Variants in CLMN observed in about 807,000 individuals in gnomAD.
The protein encoded by CLMN is calmin, also known as calmin (calponin-like, transmembrane).
CLMN carries 57 observed loss-of-function variants against 92.7 expected under a neutral mutation model. That is an observed-to-expected ratio of 0.61 (90% confidence interval 0.50 to 0.77). CLMN has a LOEUF of 0.77. Among genes scored for constraint, CLMN ranks in the 30% least tolerant of loss-of-function variants. The pLI is 0.00. For synonymous variants in CLMN, 466 were observed against 470.6 expected, an observed-to-expected ratio of 0.99 and a Z score of 0.13; for missense variants, 1,158 against 1,237.5, an observed-to-expected ratio of 0.94 and a Z score of 0.96.
At chr14:95,221,887 G>C (rs1897554263) in intron 3 of CLMN, 113 bp from the exon 4 acceptor site, 1 of 1,036,734 alleles carries the variant, frequency 9.6e-7, no homozygotes, top group Non-Finnish European at 1.4e-6. Flanking sequence ...TCAAGAAAAA[G>C]TTAGGGGCTC....
intron 1 of CLMN, among the ~76,000 whole-genome samples, chr14:95,315,909 C>A (rs1901748528): frequency 6.6e-6 from 1 of 152,216 alleles, no homozygotes; most frequent in African/African-American, 2.4e-5. Flanking sequence ...CACACATGTG[C>A]TAAACTGCTC....
intron 2 of CLMN, among the ~76,000 whole-genome samples, chr14:95,226,043 G>C (rs529492669): frequency 8.5e-4 from 129 of 152,298 alleles, no homozygotes; most frequent in Non-Finnish European, 1.6e-3. Flanking sequence ...TAGGGGAGAG[G>C]GGGATGGTGG....
chr14:95,258,995 GTGTT>G (rs1899141037), intron 1 of CLMN, among the ~76,000 whole-genome samples: 2 of 150,586 alleles, frequency 1.3e-5, no homozygotes, highest in Non-Finnish European at 1.5e-5. Flanking sequence ...CGTGGAGAGT[GTGTT>G]TGTATGTATG....
In CLMN at chr14:95,294,791, G is replaced by A. The variant is rs569563491; in HGVS notation, c.82+24920C>T. Among the ~76,000 whole-genome samples, 9 of 152,278 alleles carry A rather than the reference G, an allele frequency of 5.9e-5. No individual in the cohort carries two copies. The highest frequency in any genetic ancestry group is 1.0e-4 in the Non-Finnish European group (7 of 68,026). On this transcript the variant is annotated intron_variant, in intron 1 of 12. Coordinates refer to ENST00000298912, the MANE Select transcript of CLMN (RefSeq NM_024734.4). The surrounding 1 kb of genome is among the most constrained non-coding windows in gnomAD (Gnocchi z 4.2). Reference sequence around the variant, plus strand: ...TCACTGGGTTTGGCCAATGGGAGGCGCTGGCAGGACAACGTGGGGTGGAGG... The same window carrying A: ...TCACTGGGTTTGGCCAATGGGAGGCACTGGCAGGACAACGTGGGGTGGAGG...
chr14:95,286,738 G>A (rs1257588964), intron 1 of CLMN, among the ~76,000 whole-genome samples: 2 of 152,196 alleles, frequency 1.3e-5, no homozygotes, highest in African/African-American at 4.8e-5. Flanking sequence ...AGAGTCTGCA[G>A]GGAGGGGACT....
rs139779842 is a variant in CLMN at position 95,263,277 on chromosome 14, A to G, written c.83-33144T>C. Among the ~76,000 whole-genome samples the G allele has an allele frequency of 9.2e-3, 1,406 of 152,280 alleles. 25 individuals carry two copies. Among genetic ancestry groups the G allele is most frequent in the African/African-American group, 0.032 (1,327 of 41,568 alleles). On this transcript the variant is annotated intron_variant, in intron 1 of 12. Transcript: ENST00000298912. ...AAACAAAGGGGAAAAGACCCCTTAT[A>G]AAACCATCAGATCTCATGATAACTC...
Position 95,214,630 on chromosome 14 carries a change from G to A in CLMN, c.417+1011C>T, listed in dbSNP as rs541989742. ...GCCTCCCAAAGTTCTGGGATTATAT[G>A]CGTGAGCCACTGTGCCCAGCCCACA... On this transcript the variant is annotated intron_variant, in intron 5 of 12. Transcript: ENST00000298912. Among the ~76,000 whole-genome samples the A allele has an allele frequency of 8.9e-4, 136 of 152,180 alleles. 1 individual carries two copies. Among genetic ancestry groups the A allele is most frequent in the Admixed American group, 3.0e-3 (46 of 15,280 alleles).
intron 1 of CLMN, among the ~76,000 whole-genome samples, chr14:95,237,771 C>T (rs544516981): frequency 1.4e-4 from 21 of 152,302 alleles, no homozygotes; most frequent in Non-Finnish European, 3.1e-4. Flanking sequence ...CTTGCCCAAC[C>T]TTTTATATAA....
At chr14:95,236,617 C>A (rs1335968260) in intron 1 of CLMN, among the ~76,000 whole-genome samples, 6 of 152,190 alleles carry the variant, frequency 3.9e-5, no homozygotes, top group Admixed American at 3.9e-4. Context: ...GGCAACACTG[C>A]CAGGGGCAGA....
intron 4 of CLMN, among the ~76,000 whole-genome samples, chr14:95,219,121 T>C (rs1047842339): frequency 1.3e-5 from 2 of 152,192 alleles, no homozygotes; most frequent in Non-Finnish European, 2.9e-5. Flanking sequence ...CTGTCTCCAA[T>C]GCTGAGAAGT....
intron 1 of CLMN, among the ~76,000 whole-genome samples, chr14:95,255,339 G>C (rs2140686790): frequency 6.6e-6 from 1 of 152,292 alleles, no homozygotes; most frequent in South Asian, 2.1e-4. Context: ...TCTGAAAATA[G>C]GTGAGTATGG....
chr14:95,292,428 T>TCCC (rs1263766978), intron 1 of CLMN, among the ~76,000 whole-genome samples: 2 of 74,058 alleles, frequency 2.7e-5, no homozygotes, highest in Non-Finnish European at 5.4e-5. Context: ...CCCCCAAGGG[T>TCCC]CCCCCACCCC....
chr14:95,259,153 T>C lies in CLMN; in HGVS notation c.83-29020A>G, dbSNP rs1464895530. 6.6e-6 allele frequency among the ~76,000 whole-genome samples: 1 copy of C among 151,828 alleles called. No homozygotes were observed. Among genetic ancestry groups the C allele is most frequent in the Non-Finnish European group, 1.5e-5 (1 of 67,934 alleles). ...TGAAGTGGGGTGTGCACTCAGGGAG[T>C]TGGTGCTGCATGGCAGGCTGGAGCG... On this transcript the variant is annotated intron_variant, in intron 1 of 12. Transcript: ENST00000298912. This position sits in a 1 kb window ranked among gnomAD's most constrained non-coding sequence, Gnocchi z 4.3.
chr14:95,258,299 G>T (rs551263523), intron 1 of CLMN, among the ~76,000 whole-genome samples: 1 of 150,036 alleles, frequency 6.7e-6, no homozygotes, highest in African/African-American at 2.5e-5. Context: ...TGTGTGTGTG[G>T]TGTATGTGTG....
Position 95,259,630 on chromosome 14 carries a change from A to T in CLMN, c.83-29497T>A, listed in dbSNP as rs1301786297. ...TGGTTGGGGGCTAGGAGAGGAGATC[A>T]CTTGCACAGGGCCCACCCCCACCCC... On this transcript the variant is annotated intron_variant, in intron 1 of 12. Coordinates refer to ENST00000298912, the MANE Select transcript of CLMN (RefSeq NM_024734.4). This position sits in a 1 kb window ranked among gnomAD's most constrained non-coding sequence, Gnocchi z 4.3. 1.3e-5 allele frequency among the ~76,000 whole-genome samples: 2 copies of T among 152,056 alleles called. No individual in the cohort carries two copies. Among genetic ancestry groups the T allele is most frequent in the Non-Finnish European group, 2.9e-5 (2 of 68,000 alleles).
intron 1 of CLMN, among the ~76,000 whole-genome samples, chr14:95,269,777 C>A (rs1046510050): frequency 7.9e-5 from 12 of 152,156 alleles, no homozygotes; most frequent in African/African-American, 2.9e-4. Context: ...AGGGTCCTGA[C>A]TCTAGGTGGG....
intron 1 of CLMN, among the ~76,000 whole-genome samples, chr14:95,242,882 T>A (rs1399179450): frequency 1.3e-5 from 2 of 152,242 alleles, no homozygotes; most frequent in East Asian, 1.9e-4. Flanking sequence ...TCTCTATTTT[T>A]AATGTACCCC....
At chr14:95,280,829 TG>T (rs1900118824) in intron 1 of CLMN, among the ~76,000 whole-genome samples, 1 of 152,228 alleles carries the variant, frequency 6.6e-6, no homozygotes, top group Non-Finnish European at 1.5e-5. Flanking sequence ...CTTAGTGGTA[TG>T]TTATCAGTAA....
intron 1 of CLMN, among the ~76,000 whole-genome samples, chr14:95,233,276 G>A (rs1436575868): frequency 1.3e-5 from 2 of 152,008 alleles, no homozygotes; most frequent in African/African-American, 2.4e-5. Context: ...TGAGGAGGTG[G>A]GTATCTGACA....
Sources: gnomAD v4.1 joint callset for allele counts (sites outside exome capture counted in the v4.1 genomes callset) on GRCh38, gnomAD v4.1.1 for gene constraint, Gnocchi (gnomAD v3.1) non-coding constraint, MANE v1.5 for transcripts, NCBI Gene and HGNC (gene_info 2026-07-23, HGNC 2026-07-21) for gene names.